OAS3: variants seen among roughly 807,000 people sequenced by gnomAD.
OAS3 encodes 2'-5'-oligoadenylate synthase 3.
A neutral mutation model predicts 113.0 loss-of-function variants in OAS3; 107 were observed. That is an observed-to-expected ratio of 0.95 (90% confidence interval 0.81 to 1.11). OAS3 has a LOEUF of 1.11. OAS3 is among the 50% of genes most tolerant of loss of function. The probability of loss-of-function intolerance (pLI) is 0.00; values close to 1 mark genes in which losing one functional copy is unlikely to be tolerated. For missense variants in OAS3, 1,258 were observed against 1,389.1 expected, an observed-to-expected ratio of 0.91 and a Z score of 1.50; for synonymous variants, 552 against 573.6, an observed-to-expected ratio of 0.96 and a Z score of 0.54.
At chr12:112,953,864 A>G (rs1389091600) in intron 7 of OAS3, among the ~76,000 whole-genome samples, 1 of 152,154 alleles carries the variant, frequency 6.6e-6, no homozygotes, top group Non-Finnish European at 1.5e-5. Context: ...AATTTGTTTA[A>G]GTTCTTTGTA....
chr12:112,945,798 CA>C (rs1201679923), intron 3 of OAS3, among the ~76,000 whole-genome samples: 1 of 152,148 alleles, frequency 6.6e-6, no homozygotes, highest in East Asian at 1.9e-4. Flanking sequence ...TAAGATTCTC[CA>C]GGGGCAGAAA....
chr12:112,943,327 A>G (rs915792848), intron 2 of OAS3, among the ~76,000 whole-genome samples: 3 of 152,208 alleles, frequency 2.0e-5, no homozygotes, highest in African/African-American at 7.2e-5. Flanking sequence ...AATTCTTCAC[A>G]ACAAACTTAT....
chr12:112,953,364 C>T (rs1202701787), intron 7 of OAS3, among the ~76,000 whole-genome samples: 3 of 152,222 alleles, frequency 2.0e-5, no homozygotes. Context: ...ATATGTGCCA[C>T]ATTTTCTTAA....
intron 2 of OAS3, chr12:112,942,198 G>A: frequency 2.0e-6 from 1 of 508,220 alleles, no homozygotes; most frequent in South Asian, 3.9e-5. Flanking sequence ...TAGGGGCCTG[G>A]GGACGAAACC....
At chr12:112,949,278 C>A in intron 6 of OAS3, 73 bp downstream of exon 6, 1 of 1,355,634 alleles carries the variant, frequency 7.4e-7, no homozygotes, top group Non-Finnish European at 1.0e-6. Context: ...GGAGTTACAG[C>A]AATGGAGCTG....
Position 112,963,517 on chromosome 12 carries a change from C to A in OAS3, c.2229+60C>A, listed in dbSNP as rs867678232. 6.5e-6 allele frequency: 9 copies of A among 1,394,736 alleles called. No homozygotes were observed. In the African/African-American group the frequency reaches 1.0e-4, roughly 16 times the overall value. 86.4% of individuals were successfully genotyped at this position (1,394,736 alleles called of 1,614,324 possible). A position where few individuals can be genotyped will look rare whatever the true frequency, so the allele number is the denominator to read the frequency against. ...GCACCCTGCCTTCTAGTCAGGTTCC[C>A]TTAACCTGCCGGTGCACCCATCCCC... On this transcript the variant is annotated intron_variant, in intron 10 of 15. Transcript: ENST00000228928. The surrounding 1 kb of genome is among the most constrained non-coding windows in gnomAD (Gnocchi z 4.6).
chr12:112,950,139 C>T (rs1375456896), intron 6 of OAS3, among the ~76,000 whole-genome samples: 1 of 152,204 alleles, frequency 6.6e-6, no homozygotes, highest in Non-Finnish European at 1.5e-5. Flanking sequence ...TTCCTTCCCT[C>T]CCCCAGCCAG....
chr12:112,960,961 G>A (rs1004303227), intron 7 of OAS3, 110 bp from the exon 8 acceptor site: 2 of 997,372 alleles, frequency 2.0e-6, no homozygotes, highest in Non-Finnish European at 3.1e-6. Flanking sequence ...TGATTGCAAT[G>A]TTAGGTGATT....
intron 12 of OAS3, among the ~76,000 whole-genome samples, chr12:112,966,982 A>G (rs2136361626): frequency 6.6e-6 from 1 of 152,358 alleles, no homozygotes; most frequent in African/African-American, 2.4e-5. Context: ...TTCAGTTCAG[A>G]GAGCAAGAAT....
At chr12:112,943,312 T>C (rs1195669437) in intron 2 of OAS3, among the ~76,000 whole-genome samples, 35 of 152,182 alleles carry the variant, frequency 2.3e-4, no homozygotes, top group Admixed American at 2.3e-3. Flanking sequence ...ATGTTTTATC[T>C]CATCAATTCT....
intron 7 of OAS3, among the ~76,000 whole-genome samples, chr12:112,959,885 C>T (rs1372198232): frequency 3.3e-5 from 5 of 152,212 alleles, no homozygotes; most frequent in Middle Eastern, 3.4e-3. Flanking sequence ...TCATAGGCTT[C>T]GATTCTTTCA....
chr12:112,966,896 G>A (rs189144846), intron 12 of OAS3, among the ~76,000 whole-genome samples: 10 of 152,322 alleles, frequency 6.6e-5, no homozygotes, highest in African/African-American at 2.4e-4. Flanking sequence ...CTCCTGCAGT[G>A]GCCTTCGAGA....
intron 8 of OAS3, among the ~76,000 whole-genome samples, chr12:112,961,588 G>C (rs1178571041): frequency 6.6e-6 from 1 of 151,588 alleles, no homozygotes; most frequent in Non-Finnish European, 1.5e-5. Flanking sequence ...TCTATTTTTA[G>C]AAAAGAAAAC....
In OAS3 at chr12:112,961,240, C is replaced by G. The variant is rs754374346; in HGVS notation, c.1827C>G (p.Tyr609Ter). 6 of 1,613,386 alleles carry G rather than the reference C, an allele frequency of 3.7e-6. No individual in the cohort carries two copies. The highest frequency in any genetic ancestry group is 1.7e-4 in the Middle Eastern group (1 of 6,054). Residue 609 changes from tyrosine (Y) to a stop codon, truncating the protein, a stop_gained, in exon 8 of 16, where the codon TAC becomes TAG. Coordinates refer to ENST00000228928, the MANE Select transcript of OAS3 (RefSeq NM_006187.4). LOFTEE classifies it high-confidence loss of function. The part of the protein sequence containing the change: ...KNLILLVKHW[Y>*]RQVAAQNKGK... ...TGATTCTGCTGGTGAAGCACTGGTA[C>G]CGCCAGGTGAGTTGCCCCTGGCTCC...
Position 112,963,977 on chromosome 12 carries a change from A to G in OAS3, c.2230-258A>G, listed in dbSNP as rs1373641535. Among the ~76,000 whole-genome samples the G allele has an allele frequency of 3.3e-5, 5 of 152,332 alleles. No individual in the cohort carries two copies. In the East Asian group the frequency reaches 9.7e-4, roughly 29 times the overall value. On this transcript the variant is annotated intron_variant, in intron 10 of 15. Transcript: ENST00000228928. The surrounding 1 kb of genome is among the most constrained non-coding windows in gnomAD (Gnocchi z 4.6). ...GTCTCATAACCAGCATTTAATACTC[A>G]GGACAATCCATTGAGACCCGGACTT...
rs1290805051 is a variant in OAS3, at chr12:112,963,860, C to T, written c.2230-375C>T. ...TTAATCATATGCACAAGAATTCCTGCCATGGACCCTGCTTCTAGGAAAACT... is the reference window on the plus strand; with the variant it reads ...TTAATCATATGCACAAGAATTCCTGTCATGGACCCTGCTTCTAGGAAAACT... On this transcript the variant is annotated intron_variant, in intron 10 of 15. Coordinates refer to ENST00000228928, the MANE Select transcript of OAS3 (RefSeq NM_006187.4). This position sits in a 1 kb window ranked among gnomAD's most constrained non-coding sequence, Gnocchi z 4.6. Among the ~76,000 whole-genome samples, 1 of 152,170 alleles carries T rather than the reference C, an allele frequency of 6.6e-6. No homozygotes were observed. Among genetic ancestry groups the T allele is most frequent in the African/African-American group, 2.4e-5 (1 of 41,440 alleles).
rs779183387 is a variant in OAS3 at position 112,947,054 on chromosome 12, G to A, written c.875+73G>A. 3.8e-5 allele frequency: 49 copies of A among 1,282,776 alleles called. No individual in the cohort carries two copies. The Middle Eastern group carries it at 5.7e-4, about 15-fold the overall frequency. The allele number at this position is 1,282,776 out of a possible 1,614,324, so 79.5% of individuals were successfully genotyped here. On this transcript the variant is annotated intron_variant, in intron 4 of 15. Coordinates refer to ENST00000228928, the MANE Select transcript of OAS3 (RefSeq NM_006187.4). Reference sequence around the variant, plus strand: ...GGAGATAATTGACAAGGACAAAACCGGTTACATCTACTGAGTGCTTGGGTA... The same window carrying A: ...GGAGATAATTGACAAGGACAAAACCAGTTACATCTACTGAGTGCTTGGGTA...
At chr12:112,947,077 G>A (rs1015596837) in intron 4 of OAS3, 96 bp downstream of exon 4, 20 of 995,400 alleles carry the variant, frequency 2.0e-5, no homozygotes, top group Admixed American at 8.7e-5. Context: ...GAGTGCTTGG[G>A]TATAGAGGCC....
At chr12:112,941,468 C>T in intron 1 of OAS3, 102 bp from the exon 2 acceptor site, 1 of 1,316,780 alleles carries the variant, frequency 7.6e-7, no homozygotes, top group Non-Finnish European at 1.1e-6. Flanking sequence ...CATGTGGCCA[C>T]AGTCTCTCCC....
Sources: allele counts gnomAD v4.1 joint callset (sites outside exome capture counted in the v4.1 genomes callset), GRCh38; gene constraint gnomAD v4.1.1; non-coding constraint Gnocchi (gnomAD v3.1); transcripts MANE v1.5; gene names NCBI Gene and HGNC (gene_info 2026-07-23, HGNC 2026-07-21).